MACF1: variants seen among roughly 807,000 people sequenced by gnomAD.
MACF1 encodes microtubule actin crosslinking factor 1, also known as microtubule-actin cross-linking factor 1.
MACF1 carries 193 observed loss-of-function variants against 854.8 expected under a neutral mutation model. That is an observed-to-expected ratio of 0.23 (90% confidence interval 0.20 to 0.25). MACF1 has a LOEUF of 0.25. Among genes scored for constraint, MACF1 ranks in the 10% least tolerant of loss-of-function variants. The pLI, the probability that MACF1 is intolerant of heterozygous loss-of-function variation, is 1.00. For missense variants in MACF1, 7,722 were observed against 8,929.1 expected (o/e 0.86, Z 5.45); for synonymous variants, 3,185 against 3,226.7 (o/e 0.99, Z 0.44).
At chr1:39,101,746 C>T (rs1642083394) in intron 2 of MACF1, among the ~76,000 whole-genome samples, 1 of 149,592 alleles carries the variant, frequency 6.7e-6, no homozygotes, top group African/African-American at 2.5e-5. Flanking sequence ...ATGGCGTGAA[C>T]CCGGGAGGTG....
intron 2 of MACF1, among the ~76,000 whole-genome samples, chr1:39,128,326 G>T (rs1642912413): frequency 1.3e-5 from 2 of 152,020 alleles, no homozygotes; most frequent in Admixed American, 6.6e-5. Context: ...GTCTTAAGCA[G>T]TGCCCCCTGA....
intron 2 of MACF1, among the ~76,000 whole-genome samples, chr1:39,157,042 T>C (rs930430008): frequency 5.3e-5 from 8 of 150,928 alleles, no homozygotes; most frequent in Non-Finnish European, 1.5e-5. Flanking sequence ...CAATCACAGC[T>C]CACTGTAGCC....
intron 29 of MACF1, 47 bp downstream of exon 29, chr1:39,317,454 G>A (rs202156395): frequency 2.8e-5 from 44 of 1,570,362 alleles, no homozygotes; most frequent in Admixed American, 9.6e-5. Context: ...TCAGGGACTA[G>A]GTCTTAAACA....
At chr1:39,115,381 A>G (rs147155641) in intron 2 of MACF1, among the ~76,000 whole-genome samples, 2 of 152,252 alleles carry the variant, frequency 1.3e-5, no homozygotes, top group Admixed American at 1.3e-4. Flanking sequence ...TGTATGTGGT[A>G]TATGAGGGGG....
At chr1:39,379,970 G>A (rs1650034255) in intron 54 of MACF1, among the ~76,000 whole-genome samples, 1 of 151,982 alleles carries the variant, frequency 6.6e-6, no homozygotes, top group East Asian at 1.9e-4. Context: ...ATCATATCTT[G>A]GTATTTTTAG....
At chr1:39,475,647 C>T (rs1644865523) in intron 97 of MACF1, among the ~76,000 whole-genome samples, 2 of 152,164 alleles carry the variant, frequency 1.3e-5, no homozygotes, top group Middle Eastern at 3.4e-3. Context: ...ATTCAAGAGG[C>T]ATTTGAAGGT....
chr1:39,182,611 A>G (rs939684242), intron 2 of MACF1, among the ~76,000 whole-genome samples: 5 of 152,222 alleles, frequency 3.3e-5, no homozygotes, highest in African/African-American at 9.6e-5. Flanking sequence ...AGATGCTTAG[A>G]TGCTTAACAT....
At chr1:39,302,379 T>G (rs868621045) in intron 22 of MACF1, among the ~76,000 whole-genome samples, 6 of 151,646 alleles carry the variant, frequency 4.0e-5, no homozygotes, top group Middle Eastern at 3.4e-3. Flanking sequence ...ATGAATGAAT[T>G]AAGAAATGGA....
At position 39,318,388 on chromosome 1, in the gene MACF1, T is replaced by A; in HGVS notation, c.3783-65T>A. 4.2e-6 allele frequency: 6 copies of A among 1,425,106 alleles called. No homozygotes were observed. The South Asian group carries it at 6.2e-5, about 15-fold the overall frequency. 88.3% of individuals were successfully genotyped at this position (1,425,106 alleles called of 1,614,324 possible). On this transcript the variant is annotated intron_variant, in intron 29 of 100. Transcript: ENST00000564288. ...TGGATACATGGGTTAAAGAGGGAATTACCTCATTTACTTTATTGTATTTGT... is the reference window on the plus strand; with the variant it reads ...TGGATACATGGGTTAAAGAGGGAATAACCTCATTTACTTTATTGTATTTGT...
chr1:39,161,641 C>T (rs1186872010), intron 2 of MACF1, among the ~76,000 whole-genome samples: 4 of 151,746 alleles, frequency 2.6e-5, no homozygotes, highest in African/African-American at 2.4e-5. Flanking sequence ...CTGAGGCGGG[C>T]GGATCACAAC....
chr1:39,434,137 G>A (rs1429910324), intron 68 of MACF1, among the ~76,000 whole-genome samples: 1 of 151,862 alleles, frequency 6.6e-6, no homozygotes, highest in Non-Finnish European at 1.5e-5. Context: ...TTACTGAAAG[G>A]TTAATTTTGC....
At chr1:39,305,078 T>A (rs1300662567) in intron 23 of MACF1, among the ~76,000 whole-genome samples, 1 of 151,442 alleles carries the variant, frequency 6.6e-6, no homozygotes, top group Admixed American at 6.6e-5. Context: ...CTGAGCAACA[T>A]GGTGAAACTC....
In MACF1 at chr1:39,385,719, A is replaced by G; in HGVS notation, c.14134A>G (p.Ile4712Val). Reference sequence around the variant, plus strand: ...ACAACGGCTGAGTGTCCAGTCAGCTATCAGCACCCAACCAGAGGCTGTAAA... The same window carrying G: ...ACAACGGCTGAGTGTCCAGTCAGCTGTCAGCACCCAACCAGAGGCTGTAAA... Reference protein sequence around the residue: ...VGQRLSVQSAISTQPEAVKQQ... With the variant: ...VGQRLSVQSAVSTQPEAVKQQ... The change falls in exon 57 of 101, where the codon ATC becomes GTC. Residue 4712 changes from isoleucine (I) to valine (V), a missense_variant. Ile to Val is a conservative substitution (Grantham distance 29, BLOSUM62 3). Coordinates refer to ENST00000564288, the MANE Select transcript of MACF1 (RefSeq NM_001394062.1). 3.1e-6 allele frequency: 5 copies of G among 1,614,210 alleles called. No homozygotes were observed. The highest frequency in any genetic ancestry group is 4.2e-6 in the Non-Finnish European group (5 of 1,180,030).
At chr1:39,207,775 C>T (rs1644468791) in intron 1 of MACF1, among the ~76,000 whole-genome samples, 1 of 152,092 alleles carries the variant, frequency 6.6e-6, no homozygotes, top group Admixed American at 6.5e-5. Context: ...TACGGCCATA[C>T]CACCCCAAAC....
chr1:39,172,457 G>T (rs887578542), intron 2 of MACF1, among the ~76,000 whole-genome samples: 1 of 152,134 alleles, frequency 6.6e-6, no homozygotes. Flanking sequence ...TTTCATACCT[G>T]CCTGGGAACA....
chr1:39,209,699 A>G (rs1010399376), intron 1 of MACF1, among the ~76,000 whole-genome samples: 1 of 152,216 alleles, frequency 6.6e-6, no homozygotes, highest in East Asian at 1.9e-4. Context: ...CCTAAGATCA[A>G]TTATAAAATG....
At chr1:39,436,406 G>C (rs1643976151) in intron 70 of MACF1, 3 of 1,509,802 alleles carry the variant, frequency 2.0e-6, no homozygotes, top group Non-Finnish European at 2.8e-6. Flanking sequence ...GTGTTACTTT[G>C]TGTTGTTGCT....
At chr1:39,353,880 A>G (rs1647301717) in intron 44 of MACF1, among the ~76,000 whole-genome samples, 1 of 151,848 alleles carries the variant, frequency 6.6e-6, no homozygotes, top group African/African-American at 2.4e-5. Flanking sequence ...CTTTATTGAG[A>G]TATTATTGTA....
chr1:39,125,572 G>A (rs749197299), intron 2 of MACF1, among the ~76,000 whole-genome samples: 29 of 152,274 alleles, frequency 1.9e-4, no homozygotes, highest in Non-Finnish European at 3.5e-4. Flanking sequence ...TTAGACCCTC[G>A]CTTGGTCCTT....
Sources: gnomAD v4.1 joint callset for allele counts (sites outside exome capture counted in the v4.1 genomes callset) on GRCh38, gnomAD v4.1.1 for gene constraint, MANE v1.5 for transcripts, NCBI Gene and HGNC (gene_info 2026-07-23, HGNC 2026-07-21) for gene names.